The following NAA50 variants were observed in gnomAD, a reference collection of about 807,000 sequenced individuals.
NAA50 encodes the protein N-alpha-acetyltransferase 50, NatE catalytic subunit.
NAA50 carries 7 observed loss-of-function variants against 20.7 expected under a neutral mutation model. The ratio of observed to expected loss-of-function variants is 0.34; its 90% CI spans 0.19 to 0.63. The LOEUF (loss-of-function observed/expected upper bound fraction) is 0.63. NAA50 is among the 30% of genes least tolerant of loss of function. The pLI is 0.75. For missense variants in NAA50, 111 were observed against 199.1 expected (o/e 0.56, Z 2.66); for synonymous variants, 54 against 70.6 (o/e 0.77, Z 1.18).
intron 1 of NAA50, among the ~76,000 whole-genome samples, chr3:113,726,561 T>C (rs1708202184): frequency 6.6e-6 from 1 of 151,428 alleles, no homozygotes; most frequent in African/African-American, 2.4e-5. Flanking sequence ...CTGGCCAATA[T>C]GGTGAAACTC....
intron 1 of NAA50, among the ~76,000 whole-genome samples, chr3:113,739,003 G>C (rs1018943756): frequency 6.6e-6 from 1 of 151,852 alleles, no homozygotes; most frequent in African/African-American, 2.4e-5. Flanking sequence ...TAATAACTGG[G>C]TAAGTTATAA....
intron 4 of NAA50, 147 bp from the exon 5 acceptor site, chr3:113,722,084 C>T: frequency 1.5e-6 from 1 of 686,546 alleles, no homozygotes; most frequent in African/African-American, 1.8e-5. Context: ...TACCTAAAAC[C>T]TTTTGATGAC....
intron 1 of NAA50, among the ~76,000 whole-genome samples, chr3:113,740,386 G>C (rs1708398436): frequency 1.3e-5 from 2 of 152,260 alleles, no homozygotes; most frequent in South Asian, 4.1e-4. Context: ...TTTTGAGACA[G>C]GGTCTCCCTC....
At position 113,722,954 on chromosome 3, in the gene NAA50, T is replaced by C; in HGVS notation, c.284A>G (p.His95Arg). 1 of 1,539,230 alleles carries C rather than the reference T, an allele frequency of 6.5e-7. No individual in the cohort carries two copies. Among genetic ancestry groups the C allele is most frequent in the Non-Finnish European group, 8.8e-7 (1 of 1,134,078 alleles). Residue 95 changes from histidine to arginine, a missense_variant, in exon 4 of 5, where the codon CAT (histidine) becomes CGT (arginine). Coordinates refer to ENST00000240922, the MANE Select transcript of NAA50 (RefSeq NM_025146.4). ...RLGIGTKMLNHVLNICEKDGT... is the reference protein window; with the variant it reads ...RLGIGTKMLNRVLNICEKDGT... Reference sequence around the variant, plus strand: ...ATCTTTTTCACAGATGTTTAAGACATGATTTAACATTTTAGTTCCTGTTAA... The same window carrying C: ...ATCTTTTTCACAGATGTTTAAGACACGATTTAACATTTTAGTTCCTGTTAA...
chr3:113,738,842 C>T (rs1348975949), intron 1 of NAA50, among the ~76,000 whole-genome samples: 1 of 152,136 alleles, frequency 6.6e-6, no homozygotes, highest in African/African-American at 2.4e-5. Flanking sequence ...CTCCTAAGTA[C>T]AAAATATTTT....
intron 1 of NAA50, among the ~76,000 whole-genome samples, chr3:113,726,410 C>A (rs1708200245): frequency 6.6e-6 from 1 of 151,858 alleles, no homozygotes; most frequent in Admixed American, 6.6e-5. Context: ...ATCTCATTCA[C>A]AGAACTCCCC....
intron 1 of NAA50, among the ~76,000 whole-genome samples, chr3:113,726,602 G>A (rs1034822756): frequency 1.3e-5 from 2 of 151,932 alleles, no homozygotes; most frequent in Non-Finnish European, 2.9e-5. Context: ...AAATTAGCCC[G>A]GTGTGGTGGC....
At chr3:113,724,811 G>T (rs554216096) in intron 1 of NAA50, among the ~76,000 whole-genome samples, 67 of 152,308 alleles carry the variant, frequency 4.4e-4, no homozygotes, top group African/African-American at 1.6e-3. Context: ...TCTCGTGATA[G>T]TGAGTTCTCA....
At chr3:113,731,318 A>T (rs750811412) in intron 1 of NAA50, among the ~76,000 whole-genome samples, 36 of 152,068 alleles carry the variant, frequency 2.4e-4, no homozygotes, top group Non-Finnish European at 4.0e-4. Context: ...CATTTTGACA[A>T]ATTTATTTCA....
At chr3:113,727,716 T>C (rs1203191135) in intron 1 of NAA50, among the ~76,000 whole-genome samples, 1 of 152,100 alleles carries the variant, frequency 6.6e-6, no homozygotes, top group Non-Finnish European at 1.5e-5. Flanking sequence ...AGTTTGCTGA[T>C]AGTCTTCCAA....
intron 1 of NAA50, among the ~76,000 whole-genome samples, chr3:113,742,029 A>T (rs1025437374): frequency 4.6e-5 from 7 of 152,088 alleles, no homozygotes; most frequent in East Asian, 1.9e-4. Context: ...TTGATTTTTT[A>T]AAAAAACTTA....
intron 4 of NAA50, 147 bp from the exon 5 acceptor site, chr3:113,722,084 C>A: frequency 1.5e-6 from 1 of 686,546 alleles, no homozygotes. Context: ...TACCTAAAAC[C>A]TTTTGATGAC....
At chr3:113,732,239 A>T (rs1398104555) in intron 1 of NAA50, among the ~76,000 whole-genome samples, 1 of 152,214 alleles carries the variant, frequency 6.6e-6, no homozygotes, top group African/African-American at 2.4e-5. Context: ...AGATATGACA[A>T]CAGAATACTA....
rs573239820 is a variant in NAA50 at position 113,721,995 on chromosome 3, A to T, written c.333-58T>A. 4.1e-5 allele frequency: 62 copies of T among 1,501,676 alleles called. 1 individual carries two copies. The Middle Eastern group carries it at 7.1e-4, about 17-fold the overall frequency. The allele number at this position is 1,501,676 out of a possible 1,614,324, so 93.0% of individuals were successfully genotyped here. A position where few individuals can be genotyped will look rare whatever the true frequency, so the allele number is the denominator to read the frequency against. On this transcript the variant is annotated intron_variant, in intron 4 of 4. Coordinates refer to ENST00000240922, the MANE Select transcript of NAA50 (RefSeq NM_025146.4). ...AAAATTAAGGTTTCATCAAGTTTTA[A>T]GCATTCTCCACAGATAGCTCCAAAC...
chr3:113,737,873 G>A (rs560086911), intron 1 of NAA50, among the ~76,000 whole-genome samples: 4 of 152,268 alleles, frequency 2.6e-5, no homozygotes, highest in African/African-American at 9.6e-5. Flanking sequence ...GGTTGCCCTA[G>A]TTGGCAGTTA....
rs1197150927 is a variant in NAA50 at position 113,745,704 on chromosome 3, G to A, written c.8+238C>T. 6 of 515,156 alleles carry A rather than the reference G, an allele frequency of 1.2e-5. No individual in the cohort carries two copies. The East Asian group carries it at 1.7e-4, about 15-fold the overall frequency. 31.9% of individuals were successfully genotyped at this position (515,156 alleles called of 1,614,324 possible). The stretch of plus-strand genomic sequence containing the variant: ...TCTCCCCACTCAACAACCCACACTC[G>A]TCTCCGAACCGAAACCCTGAAGCCC... On this transcript the variant is annotated intron_variant, in intron 1 of 4. Transcript: ENST00000240922.
chr3:113,742,761 T>G (rs1285004117), intron 1 of NAA50, among the ~76,000 whole-genome samples: 1 of 152,242 alleles, frequency 6.6e-6, no homozygotes, highest in Non-Finnish European at 1.5e-5. Flanking sequence ...ATATTACTGC[T>G]ACCTACTTTC....
At chr3:113,738,677 T>C (rs1181640910) in intron 1 of NAA50, among the ~76,000 whole-genome samples, 1 of 152,238 alleles carries the variant, frequency 6.6e-6, no homozygotes, top group East Asian at 1.9e-4. Flanking sequence ...TTGTGGTACA[T>C]AAAACTAAAA....
At chr3:113,741,343 G>T in intron 1 of NAA50, 1 of 249,136 alleles carries the variant, frequency 4.0e-6, no homozygotes, top group South Asian at 5.1e-5. Flanking sequence ...GACTGTACTA[G>T]ACAGAACAAT....
Sources: gnomAD v4.1 joint callset for allele counts (sites outside exome capture counted in the v4.1 genomes callset) on GRCh38, gnomAD v4.1.1 for gene constraint, MANE v1.5 for transcripts, NCBI Gene and HGNC (gene_info 2026-07-23, HGNC 2026-07-21) for gene names.